Variants in ERBB4 observed in about 807,000 individuals in gnomAD.
ERBB4 encodes receptor tyrosine-protein kinase erbB-4.
In ERBB4, 42 loss-of-function variants were observed where a neutral mutation model predicts 158.0. The observed-to-expected ratio is 0.27, with a 90% confidence interval of 0.21 to 0.34. The LOEUF is 0.34. ERBB4 is among the 10% of genes least tolerant of loss of function. The probability of loss-of-function intolerance (pLI) is 1.00; values close to 1 mark genes in which losing one functional copy is unlikely to be tolerated. For missense variants in ERBB4, 1,333 were observed against 1,624.1 expected, an observed-to-expected ratio of 0.82 and a Z score of 3.08; for synonymous variants, 583 against 558.7, an observed-to-expected ratio of 1.04 and a Z score of -0.61.
intron 1 of ERBB4, among the ~76,000 whole-genome samples, chr2:212,252,254 A>C (rs1254141839): frequency 1.3e-5 from 2 of 152,088 alleles, no homozygotes; most frequent in African/African-American, 4.8e-5. Context: ...GTATCCTAGA[A>C]TTAATCCCTG....
At chr2:211,794,620 C>A (rs989879906) in intron 3 of ERBB4, among the ~76,000 whole-genome samples, 8 of 151,804 alleles carry the variant, frequency 5.3e-5, no homozygotes, top group Admixed American at 4.6e-4. Context: ...CATTGTAAAT[C>A]CCATAAAATA....
chr2:211,769,387 C>T (rs78869002), intron 4 of ERBB4, among the ~76,000 whole-genome samples: 3,951 of 152,264 alleles, frequency 0.026, 235 homozygotes, highest in East Asian at 0.19. Flanking sequence ...GCCTGTTGTC[C>T]ATTTCCAAAG....
intron 7 of ERBB4, among the ~76,000 whole-genome samples, chr2:211,715,901 T>A (rs749994269): frequency 2.0e-5 from 3 of 152,178 alleles, no homozygotes; most frequent in Non-Finnish European, 4.4e-5. Context: ...GGGAAATGCG[T>A]TACAATGAAA....
At chr2:212,186,548 G>C (rs1249910686) in intron 1 of ERBB4, among the ~76,000 whole-genome samples, 1 of 152,068 alleles carries the variant, frequency 6.6e-6, no homozygotes, top group East Asian at 1.9e-4. Flanking sequence ...TTCCCGACCT[G>C]ATTTTAACCA....
At chr2:212,043,085 T>A (rs2125376862) in intron 2 of ERBB4, among the ~76,000 whole-genome samples, 1 of 152,240 alleles carries the variant, frequency 6.6e-6, no homozygotes, top group Admixed American at 6.5e-5. Flanking sequence ...CCTGCCAACA[T>A]CACAAAGCCA....
intron 2 of ERBB4, among the ~76,000 whole-genome samples, chr2:211,995,552 G>A (rs113132692): frequency 8.5e-4 from 130 of 152,268 alleles, no homozygotes; most frequent in African/African-American, 2.4e-3. Flanking sequence ...TTACAGGTAT[G>A]AGCCACTGTG....
At chr2:211,769,526 T>C (rs1279884788) in intron 4 of ERBB4, among the ~76,000 whole-genome samples, 1 of 152,134 alleles carries the variant, frequency 6.6e-6, no homozygotes, top group African/African-American at 2.4e-5. Flanking sequence ...TGAAGGAAAA[T>C]TGACTCACAG....
At chr2:211,550,536 C>T (rs1039289924) in intron 20 of ERBB4, among the ~76,000 whole-genome samples, 2 of 147,756 alleles carry the variant, frequency 1.4e-5, no homozygotes, top group African/African-American at 5.0e-5. Context: ...TATTTTGGGA[C>T]TCATCAGCCT....
chr2:211,492,956 T>A (rs1003145461), intron 20 of ERBB4, among the ~76,000 whole-genome samples: 1 of 152,100 alleles, frequency 6.6e-6, no homozygotes, highest in Non-Finnish European at 1.5e-5. Flanking sequence ...ATGCAGAAAC[T>A]AGCATTCCAG....
At chr2:212,474,326 G>A (rs1257819334) in intron 1 of ERBB4, among the ~76,000 whole-genome samples, 2 of 151,984 alleles carry the variant, frequency 1.3e-5, no homozygotes, top group Non-Finnish European at 2.9e-5. Flanking sequence ...CGAGTAATAA[G>A]GTTCAAAGTA....
chr2:211,722,616 T>C lies in ERBB4; in HGVS notation c.742-82A>G, dbSNP rs1232634835. The C allele has an allele frequency of 3.7e-6, 5 of 1,363,734 alleles. No homozygotes were observed. The Admixed American group carries it at 6.9e-5, about 19-fold the overall frequency. The allele number at this position is 1,363,734 out of a possible 1,614,324, so 84.5% of individuals were successfully genotyped here. Reference sequence around the variant, plus strand: ...GAAACGCTGCCAAAACAGGAGAAGTTTTTTTCTATAATAATTCCACAAATA... The same window carrying C: ...GAAACGCTGCCAAAACAGGAGAAGTCTTTTTCTATAATAATTCCACAAATA... On this transcript the variant is annotated intron_variant, in intron 6 of 27. Transcript: ENST00000342788.
At chr2:212,244,794 C>T (rs958672318) in intron 1 of ERBB4, among the ~76,000 whole-genome samples, 2 of 152,108 alleles carry the variant, frequency 1.3e-5, no homozygotes, top group African/African-American at 4.8e-5. Flanking sequence ...TGATCTCATC[C>T]CACTTTCTAA....
intron 20 of ERBB4, among the ~76,000 whole-genome samples, chr2:211,523,913 G>A (rs2066261445): frequency 6.6e-6 from 1 of 152,066 alleles, no homozygotes. Context: ...GCTGATTGGT[G>A]TGTTTACAAT....
intron 1 of ERBB4, among the ~76,000 whole-genome samples, chr2:212,317,808 G>A (rs957490009): frequency 6.7e-6 from 1 of 148,382 alleles, no homozygotes; most frequent in Non-Finnish European, 1.5e-5. Flanking sequence ...TTTCTGTTTA[G>A]TTTCTTCCTG....
intron 1 of ERBB4, among the ~76,000 whole-genome samples, chr2:212,473,987 C>T (rs986965531): frequency 7.2e-5 from 11 of 152,172 alleles, no homozygotes; most frequent in Non-Finnish European, 1.3e-4. Flanking sequence ...TAACAAAATT[C>T]AACCAATTGT....
At chr2:212,178,570 C>G (rs2081753243) in intron 1 of ERBB4, among the ~76,000 whole-genome samples, 1 of 151,626 alleles carries the variant, frequency 6.6e-6, no homozygotes, top group African/African-American at 2.4e-5. Flanking sequence ...AGAGGTAGTA[C>G]TGAAAACCCT....
chr2:212,123,939 A>G (rs1444950747), intron 2 of ERBB4, among the ~76,000 whole-genome samples: 2 of 152,200 alleles, frequency 1.3e-5, no homozygotes, highest in East Asian at 3.8e-4. Flanking sequence ...ATTCTAGGGA[A>G]GCTATTATTT....
intron 20 of ERBB4, among the ~76,000 whole-genome samples, chr2:211,485,747 T>C (rs2065188179): frequency 1.3e-5 from 2 of 150,882 alleles, no homozygotes; most frequent in Non-Finnish European, 3.0e-5. Flanking sequence ...TTAGGAGATA[T>C]ACCTAATGTT....
At chr2:211,564,398 T>C (rs2067490182) in intron 19 of ERBB4, among the ~76,000 whole-genome samples, 1 of 152,156 alleles carries the variant, frequency 6.6e-6, no homozygotes, top group African/African-American at 2.4e-5. Flanking sequence ...CCAAAAGAAC[T>C]GTGGACTGTG....
Sources: allele counts gnomAD v4.1 joint callset (sites outside exome capture counted in the v4.1 genomes callset), GRCh38; gene constraint gnomAD v4.1.1; transcripts MANE v1.5; gene names NCBI Gene and HGNC (gene_info 2026-07-23, HGNC 2026-07-21).